Variants in MINDY3 observed in about 807,000 individuals in gnomAD.
MINDY3 encodes MINDY lysine 48 deubiquitinase 3.
A neutral mutation model predicts 69.2 loss-of-function variants in MINDY3; 38 were observed. That is an observed-to-expected ratio of 0.55 (90% CI 0.42 to 0.72). The LOEUF is 0.72. Ranked by LOEUF, MINDY3 falls within the 30% of genes least tolerant of loss-of-function variation. The pLI is 0.00. For synonymous variants in MINDY3, 192 were observed against 180.1 expected, an observed-to-expected ratio of 1.07 and a Z score of -0.53; for missense variants, 522 against 519.0, an observed-to-expected ratio of 1.01 and a Z score of -0.06.
At chr10:15,829,883 T>C (rs1418216774) in intron 8 of MINDY3, among the ~76,000 whole-genome samples, 2 of 152,186 alleles carry the variant, frequency 1.3e-5, no homozygotes, top group African/African-American at 2.4e-5. Flanking sequence ...TCAGATAATT[T>C]AGCAGTTTGC....
chr10:15,786,891 T>G (rs1212472135), intron 12 of MINDY3, among the ~76,000 whole-genome samples: 1 of 152,184 alleles, frequency 6.6e-6, no homozygotes, highest in Non-Finnish European at 1.5e-5. Flanking sequence ...GGAATATTGT[T>G]CCTTATTAGG....
chr10:15,789,461 A>G (rs1005853244), intron 11 of MINDY3, 142 bp from the exon 12 acceptor site: 1 of 582,170 alleles, frequency 1.7e-6, no homozygotes, highest in Non-Finnish European at 3.0e-6. Flanking sequence ...TATTTTAGGC[A>G]TAGTGCCTAT....
At chr10:15,858,284 T>G (rs909100928) in intron 1 of MINDY3, among the ~76,000 whole-genome samples, 1 of 152,176 alleles carries the variant, frequency 6.6e-6, no homozygotes, top group Non-Finnish European at 1.5e-5. Flanking sequence ...TTTGAAATGG[T>G]ACTGATGGAA....
intron 8 of MINDY3, among the ~76,000 whole-genome samples, chr10:15,824,607 C>T (rs1448071317): frequency 1.3e-5 from 2 of 152,134 alleles, no homozygotes; most frequent in Non-Finnish European, 2.9e-5. Context: ...ACTTTTCTCT[C>T]CCTTTCCTTC....
At chr10:15,842,840 T>C (rs966570296) in intron 3 of MINDY3, among the ~76,000 whole-genome samples, 6 of 147,900 alleles carry the variant, frequency 4.1e-5, no homozygotes, top group African/African-American at 1.5e-4. Flanking sequence ...TGTAAGGCAT[T>C]ATACTAAAAC....
rs562588570 is a variant in MINDY3, at chr10:15,860,442, G to A, written c.-143C>T. 27 of 693,564 alleles carry A rather than the reference G, an allele frequency of 3.9e-5. No homozygotes were observed. In the East Asian group the frequency reaches 6.2e-4, roughly 16 times the overall value. 43.0% of individuals were successfully genotyped at this position (693,564 alleles called of 1,614,324 possible). A position where few individuals can be genotyped will look rare whatever the true frequency, so the allele number is the denominator to read the frequency against. ...GGCAGGAAAGAAGAAGGGGCTGAGA[G>A]CCACTTGCAGAGACCAAGCCTGTCA... On this transcript the variant is annotated 5_prime_UTR_variant, in exon 1 of 15. Coordinates refer to ENST00000277632, the MANE Select transcript of MINDY3 (RefSeq NM_024948.4).
intron 10 of MINDY3, among the ~76,000 whole-genome samples, chr10:15,810,609 A>G (rs1289369837): frequency 1.3e-5 from 2 of 152,086 alleles, no homozygotes; most frequent in African/African-American, 4.8e-5. Context: ...GTCATCTCAC[A>G]ATTTTTTTAA....
rs760779729 is a variant in MINDY3, at chr10:15,837,225, C to A, written c.555G>T (p.Leu185=). The A allele has an allele frequency of 5.0e-6, 8 of 1,598,726 alleles. No homozygotes were observed. The East Asian group carries it at 1.8e-4, about 36-fold the overall frequency. Residue 185 remains leucine (L), a synonymous_variant, in exon 6 of 15, where the codon CTG becomes CTT. Coordinates refer to ENST00000277632, the MANE Select transcript of MINDY3 (RefSeq NM_024948.4). ...ACACCTTTGTCAGTAATACAGAATACAGAAAAAGCAATACTCCAAATTTAT... is the reference window on the plus strand; with the variant it reads ...ACACCTTTGTCAGTAATACAGAATAAAGAAAAAGCAATACTCCAAATTTAT... The part of the protein sequence containing the change: ...WGNKFGVLLF[L]YSVLLTKGIE...
At position 15,833,618 on chromosome 10, in the gene MINDY3, G is replaced by A. The variant is rs1435708294; in HGVS notation, c.730+12C>T. The stretch of plus-strand genomic sequence containing the variant: ...TCATCAAAGAGAGCAACATAACAAG[G>A]AATATACTTACTCATTCCTGAGCAC... On this transcript the variant is annotated intron_variant, in intron 8 of 14. Coordinates refer to ENST00000277632, the MANE Select transcript of MINDY3 (RefSeq NM_024948.4). 2 of 1,511,532 alleles carry A rather than the reference G, an allele frequency of 1.3e-6. No homozygotes were observed. Among genetic ancestry groups the A allele is most frequent in the South Asian group, 1.1e-5 (1 of 88,098 alleles). 93.6% of individuals were successfully genotyped at this position (1,511,532 alleles called of 1,614,324 possible).
chr10:15,802,761 C>T (rs561245665), intron 10 of MINDY3, among the ~76,000 whole-genome samples: 3 of 152,012 alleles, frequency 2.0e-5, no homozygotes, highest in South Asian at 4.2e-4. Context: ...ATAACAAAAC[C>T]ACCAACTGTA....
At chr10:15,796,269 C>G (rs1376724429) in intron 10 of MINDY3, 97 bp from the exon 11 acceptor site, 1 of 920,842 alleles carries the variant, frequency 1.1e-6, no homozygotes, top group East Asian at 2.4e-5. Flanking sequence ...ACATTGGAGT[C>G]AGAAGACTTT....
At chr10:15,786,208 C>T (rs1428737335) in intron 13 of MINDY3, among the ~76,000 whole-genome samples, 1 of 152,158 alleles carries the variant, frequency 6.6e-6, no homozygotes, top group African/African-American at 2.4e-5. Flanking sequence ...CCACAGCCAC[C>T]TTGACCTCTT....
intron 10 of MINDY3, among the ~76,000 whole-genome samples, chr10:15,811,075 C>G (rs903878331): frequency 6.6e-6 from 1 of 152,138 alleles, no homozygotes; most frequent in Non-Finnish European, 1.5e-5. Flanking sequence ...TTTTCAAACT[C>G]TGCCAATTAT....
intron 10 of MINDY3, among the ~76,000 whole-genome samples, chr10:15,810,426 G>C (rs1316959434): frequency 6.6e-6 from 1 of 152,256 alleles, no homozygotes; most frequent in South Asian, 2.1e-4. Context: ...ACTCATGACA[G>C]CTGTTTCTAT....
chr10:15,822,964 A>G (rs1013620810), intron 8 of MINDY3, among the ~76,000 whole-genome samples: 1 of 152,200 alleles, frequency 6.6e-6, no homozygotes, highest in Admixed American at 6.5e-5. Flanking sequence ...GTTCACTGTA[A>G]ACATAATGCA....
Position 15,858,333 on chromosome 10 carries a change from C to CAT in MINDY3, c.94+1872_94+1873insAT, listed in dbSNP as rs550637922. The stretch of plus-strand genomic sequence containing the variant: ...AGAATTTCTGCATGATTAAAGGTGG[C>CAT]AGAGCGTTCTAATAAGTCATTATAA... On this transcript the variant is annotated intron_variant, in intron 1 of 14. Coordinates refer to ENST00000277632, the MANE Select transcript of MINDY3 (RefSeq NM_024948.4). Among the ~76,000 whole-genome samples, 4 of 152,240 alleles carry CAT rather than the reference C, an allele frequency of 2.6e-5. No homozygotes were observed. In the South Asian group the frequency reaches 8.3e-4, roughly 32 times the overall value.
At chr10:15,860,139 G>T in intron 1 of MINDY3, 67 bp downstream of exon 1, 3 of 1,213,558 alleles carry the variant, frequency 2.5e-6, no homozygotes, top group Non-Finnish European at 3.6e-6. Context: ...AGCGAGAGGC[G>T]TCACAGGCGG....
At chr10:15,818,855 T>G (rs1490856289) in intron 9 of MINDY3, among the ~76,000 whole-genome samples, 2 of 152,170 alleles carry the variant, frequency 1.3e-5, no homozygotes, top group Non-Finnish European at 2.9e-5. Context: ...GGACTGCTAA[T>G]GGGTTTAGAG....
At chr10:15,780,900 G>A (rs1022978463) in intron 14 of MINDY3, among the ~76,000 whole-genome samples, 2 of 152,164 alleles carry the variant, frequency 1.3e-5, no homozygotes, top group East Asian at 1.9e-4. Context: ...TCCAATCCCT[G>A]TTCTGCCAAT....
Sources: allele counts gnomAD v4.1 joint callset (sites outside exome capture counted in the v4.1 genomes callset), GRCh38; gene constraint gnomAD v4.1.1; transcripts MANE v1.5; gene names NCBI Gene and HGNC (gene_info 2026-07-23, HGNC 2026-07-21).